GRIP1: variants seen among roughly 807,000 people sequenced by gnomAD.
GRIP1 encodes glutamate receptor-interacting protein 1.
In GRIP1, 45 loss-of-function variants were observed where a neutral mutation model predicts 129.9. The ratio of observed to expected loss-of-function variants is 0.35; its 90% confidence interval spans 0.27 to 0.44. The LOEUF is 0.44. Among genes scored for constraint, GRIP1 ranks in the 20% least tolerant of loss-of-function variants. The pLI is 1.00. For synonymous variants in GRIP1, 530 were observed against 520.8 expected (o/e 1.02, Z -0.24); for missense variants, 1,196 against 1,396.8 (o/e 0.86, Z 2.29).
At chr12:66,706,093 G>C (rs1444707128) in intron 1 of GRIP1, among the ~76,000 whole-genome samples, 1 of 152,126 alleles carries the variant, frequency 6.6e-6, no homozygotes, top group African/African-American at 2.4e-5. Context: ...CACAGCAAAA[G>C]AAACTAGCAT....
chr12:66,985,912 T>A (rs1306494411), intron 1 of GRIP1, among the ~76,000 whole-genome samples: 3 of 152,230 alleles, frequency 2.0e-5, no homozygotes, highest in African/African-American at 7.2e-5. Context: ...TTCATTCTGA[T>A]TAAAAGTACT....
chr12:66,939,325 C>T (rs12821257), intron 1 of GRIP1, among the ~76,000 whole-genome samples: 31,659 of 151,918 alleles, frequency 0.21, 3,571 homozygotes, highest in South Asian at 0.26. Flanking sequence ...CTAACCTGGG[C>T]GACAGAGCAA....
At chr12:66,688,771 G>GAA (rs758109287) in intron 1 of GRIP1, among the ~76,000 whole-genome samples, 1 of 124,070 alleles carries the variant, frequency 8.1e-6, no homozygotes, top group Non-Finnish European at 1.7e-5. Context: ...CACTGACTCT[G>GAA]AAAAAAAAAA....
intron 1 of GRIP1, among the ~76,000 whole-genome samples, chr12:66,717,713 TG>T (rs1161714662): frequency 4.6e-5 from 7 of 152,188 alleles, no homozygotes; most frequent in Non-Finnish European, 2.9e-5. Flanking sequence ...ACAGTCATTG[TG>T]TTGGTCTTTT....
chr12:66,517,891 TAA>T lies in GRIP1; in HGVS notation c.578+8_578+9del, dbSNP rs1396462994. On this transcript the variant is annotated splice_region_variant and intron_variant, in intron 6 of 24. Coordinates refer to ENST00000359742, the MANE Select transcript of GRIP1 (RefSeq NM_001366722.1). The stretch of plus-strand genomic sequence containing the variant: ...TATTTTGGATAGTGACACAGAAAGA[TAA>T]AGTTTACCTGTCAGCAGGCCCTCCA... The T allele has an allele frequency of 1.4e-6, 2 of 1,405,984 alleles. No homozygotes were observed. Among genetic ancestry groups the T allele is most frequent in the African/African-American group, 2.8e-5 (2 of 70,934 alleles). 87.1% of individuals were successfully genotyped at this position (1,405,984 alleles called of 1,614,324 possible).
intron 1 of GRIP1, among the ~76,000 whole-genome samples, chr12:66,982,516 G>A (rs1265076751): frequency 6.6e-6 from 1 of 152,144 alleles, no homozygotes; most frequent in Non-Finnish European, 1.5e-5. Context: ...TCATTCTGTT[G>A]CTCAGTGGGA....
intron 1 of GRIP1, among the ~76,000 whole-genome samples, chr12:66,919,024 C>T (rs185491624): frequency 5.9e-5 from 9 of 152,264 alleles, no homozygotes; most frequent in Admixed American, 1.3e-4. Context: ...GTCATTTGAG[C>T]TTCAGTCCCA....
intron 2 of GRIP1, among the ~76,000 whole-genome samples, chr12:66,555,956 T>C (rs1456773962): frequency 6.6e-6 from 1 of 152,126 alleles, no homozygotes; most frequent in East Asian, 1.9e-4. Flanking sequence ...CTAAGAGTTA[T>C]TAACCTTAAT....
At chr12:66,402,787 C>T (rs958572289) in intron 16 of GRIP1, among the ~76,000 whole-genome samples, 1 of 152,174 alleles carries the variant, frequency 6.6e-6, no homozygotes, top group Non-Finnish European at 1.5e-5. Context: ...GTTCTAATCA[C>T]CAGCATAATT....
intron 1 of GRIP1, among the ~76,000 whole-genome samples, chr12:66,933,529 T>C (rs974951042): frequency 6.6e-6 from 1 of 152,168 alleles, no homozygotes; most frequent in Non-Finnish European, 1.5e-5. Flanking sequence ...GGTATACATG[T>C]TATTCATATT....
Position 66,913,184 on chromosome 12 carries a change from C to T in GRIP1, c.58+155866G>A, listed in dbSNP as rs374510874. ...CTCCAAAATACCATAACAAATAATA[C>T]TCTTTATCCATGTATTTCTTTACTC... On this transcript the variant is annotated intron_variant, in intron 1 of 1. Coordinates refer to the GRIP1 transcript ENST00000643019. Among the ~76,000 whole-genome samples, 21 of 152,284 alleles carry T rather than the reference C, an allele frequency of 1.4e-4. No individual in the cohort carries two copies. In the East Asian group the frequency reaches 3.9e-3, roughly 28 times the overall value.
chr12:67,030,149 T>C (rs1352727114), intron 1 of GRIP1, among the ~76,000 whole-genome samples: 1 of 151,036 alleles, frequency 6.6e-6, no homozygotes, highest in Non-Finnish European at 1.5e-5. Context: ...AGGCAGAGCT[T>C]GCAGTGAGCC....
intron 1 of GRIP1, among the ~76,000 whole-genome samples, chr12:66,875,180 GAACTTT>G (rs2040362672): frequency 6.6e-6 from 1 of 151,950 alleles, no homozygotes; most frequent in Admixed American, 6.6e-5. Flanking sequence ...ATTATCTCAT[GAACTTT>G]AACAGTCTTA....
intron 1 of GRIP1, among the ~76,000 whole-genome samples, chr12:67,057,127 T>C (rs751077617): frequency 7.2e-5 from 11 of 152,090 alleles, no homozygotes; most frequent in Non-Finnish European, 1.3e-4. Flanking sequence ...GACTGAATGT[T>C]TATGTGGCCC....
intron 1 of GRIP1, chr12:66,630,418 T>G (rs2140035790): frequency 6.6e-6 from 1 of 152,298 alleles, no homozygotes; most frequent in South Asian, 2.1e-4. Context: ...GACTTTTTCC[T>G]CTGGTCTCTT....
intron 1 of GRIP1, among the ~76,000 whole-genome samples, chr12:66,654,948 T>C (rs2033051817): frequency 6.6e-6 from 1 of 152,246 alleles, no homozygotes; most frequent in Admixed American, 6.5e-5. Flanking sequence ...TCTAATTTAG[T>C]CATGCTGTTT....
chr12:66,997,281 T>C (rs1313737351), intron 1 of GRIP1, among the ~76,000 whole-genome samples: 1 of 151,690 alleles, frequency 6.6e-6, no homozygotes, highest in Non-Finnish European at 1.5e-5. Context: ...TTGTCTCCAT[T>C]AAATAAGGAC....
chr12:66,621,469 T>C (rs1429273154), intron 1 of GRIP1, among the ~76,000 whole-genome samples: 4 of 143,534 alleles, frequency 2.8e-5, no homozygotes, highest in Admixed American at 7.1e-5. Flanking sequence ...AATATTCCCT[T>C]GTATGTATAC....
At chr12:66,966,755 G>A (rs1482613272) in intron 1 of GRIP1, among the ~76,000 whole-genome samples, 2 of 152,156 alleles carry the variant, frequency 1.3e-5, no homozygotes, top group Non-Finnish European at 2.9e-5. Context: ...GACCACAGAG[G>A]TGAAGTGTTA....
Sources: gnomAD v4.1 joint callset for allele counts (sites outside exome capture counted in the v4.1 genomes callset) on GRCh38, gnomAD v4.1.1 for gene constraint, MANE v1.5 for transcripts, NCBI Gene and HGNC (gene_info 2026-07-23, HGNC 2026-07-21) for gene names.